The following PEX7 variants were observed in gnomAD, a reference collection of about 807,000 sequenced individuals.
PEX7 encodes the protein PTS2 receptor.
A neutral mutation model predicts 47.5 loss-of-function variants in PEX7; 34 were observed. The ratio of observed to expected loss-of-function variants is 0.72; its 90% confidence interval spans 0.54 to 0.95. PEX7 has a LOEUF of 0.95. PEX7 is among the 40% of genes least tolerant of loss of function. PEX7 has a pLI of 0.00. For missense variants in PEX7, 394 were observed against 400.3 expected (o/e 0.98, Z 0.13); for synonymous variants, 141 against 148.8 (o/e 0.95, Z 0.38).
chr6:136,825,502 C>T (rs967622464), intron 2 of PEX7, among the ~76,000 whole-genome samples: 8 of 151,890 alleles, frequency 5.3e-5, no homozygotes, highest in Admixed American at 3.9e-4. Context: ...AGACCAGCCT[C>T]GTGGGCAACA....
At chr6:136,852,738 A>T (rs1314791619) in intron 5 of PEX7, among the ~76,000 whole-genome samples, 18 of 11,684 alleles carry the variant, frequency 1.5e-3, no homozygotes, top group South Asian at 0.011. Flanking sequence ...ATACTGCCCA[A>T]GGTAATTTAC....
intron 3 of PEX7, among the ~76,000 whole-genome samples, chr6:136,837,257 G>A (rs1774404045): frequency 6.6e-6 from 1 of 150,582 alleles, no homozygotes. Flanking sequence ...AGCTGCTCGG[G>A]AGGCTGAGGC....
chr6:136,823,495 C>G (rs1774125044), intron 1 of PEX7: 1 of 255,290 alleles, frequency 3.9e-6, no homozygotes, highest in Admixed American at 6.5e-5. Context: ...GATGTTGAGG[C>G]TACAATGAGC....
chr6:136,859,520 A>G (rs1421753834), intron 5 of PEX7, among the ~76,000 whole-genome samples: 2 of 152,118 alleles, frequency 1.3e-5, no homozygotes, highest in African/African-American at 2.4e-5. Flanking sequence ...TTCTACTGTA[A>G]GAAAAAGTCA....
chr6:136,908,953 G>A (rs1259008201), intron 9 of PEX7, among the ~76,000 whole-genome samples: 1 of 152,092 alleles, frequency 6.6e-6, no homozygotes, highest in Non-Finnish European at 1.5e-5. Context: ...CTGAAAGCAG[G>A]CACTTCCCTC....
chr6:136,839,613 C>T (rs1774458286), intron 3 of PEX7, among the ~76,000 whole-genome samples: 1 of 152,196 alleles, frequency 6.6e-6, no homozygotes, highest in South Asian at 2.1e-4. Context: ...GCATATCTCT[C>T]TTCCTTTTTA....
At chr6:136,839,206 A>ATT (rs1334579944) in intron 3 of PEX7, among the ~76,000 whole-genome samples, 2 of 152,130 alleles carry the variant, frequency 1.3e-5, no homozygotes, top group African/African-American at 4.8e-5. Context: ...AAAAGAGAAA[A>ATT]TTTAAGTTTC....
At chr6:136,830,299 T>C in intron 3 of PEX7, 1 of 377,036 alleles carries the variant, frequency 2.7e-6, no homozygotes, top group Non-Finnish European at 4.7e-6. Context: ...TTGAAAAATG[T>C]AAAACAAGTT....
At chr6:136,883,603 C>T (rs764281767) in intron 8 of PEX7, among the ~76,000 whole-genome samples, 70 of 152,072 alleles carry the variant, frequency 4.6e-4, no homozygotes, top group Non-Finnish European at 1.3e-4. Flanking sequence ...TGGTCGTCTC[C>T]CTTTGGTTTA....
chr6:136,828,446 T>C (rs2115135508), intron 3 of PEX7, among the ~76,000 whole-genome samples: 1 of 152,368 alleles, frequency 6.6e-6, no homozygotes, highest in South Asian at 2.1e-4. Flanking sequence ...AAACTGCTTC[T>C]TGTAATCCCA....
At chr6:136,824,887 C>T (rs972452630) in intron 1 of PEX7, among the ~76,000 whole-genome samples, 2 of 152,214 alleles carry the variant, frequency 1.3e-5, no homozygotes, top group Non-Finnish European at 2.9e-5. Context: ...TCTCTGGTGC[C>T]TTGTCTGGCT....
intron 3 of PEX7, among the ~76,000 whole-genome samples, chr6:136,839,956 G>T (rs1047965829): frequency 6.6e-6 from 1 of 152,094 alleles, no homozygotes; most frequent in Admixed American, 6.6e-5. Flanking sequence ...GGATTTGTCT[G>T]GGGAAGGGGC....
chr6:136,826,274 A>G (rs1306326605), intron 2 of PEX7, 45 bp from the exon 3 acceptor site: 4 of 1,601,062 alleles, frequency 2.5e-6, no homozygotes, highest in East Asian at 4.5e-5. Context: ...GTAGCTGCCT[A>G]TGTAAGTGTT....
chr6:136,910,178 A>C (rs553800665), intron 9 of PEX7, among the ~76,000 whole-genome samples: 1 of 152,300 alleles, frequency 6.6e-6, no homozygotes, highest in South Asian at 2.1e-4. Context: ...TAACCTCTGA[A>C]ATTGTAATCT....
intron 3 of PEX7, among the ~76,000 whole-genome samples, chr6:136,836,997 C>A (rs1483201657): frequency 1.3e-5 from 2 of 151,186 alleles, no homozygotes; most frequent in East Asian, 2.0e-4. Flanking sequence ...AAACTGCATT[C>A]AAAAAAATTA....
intron 5 of PEX7, among the ~76,000 whole-genome samples, chr6:136,862,182 C>T (rs949235012): frequency 4.0e-5 from 6 of 150,468 alleles, no homozygotes; most frequent in African/African-American, 1.2e-4. Flanking sequence ...TTCTTATGCC[C>T]CAGCGTCTTG....
Position 136,913,832 on chromosome 6 carries a change from T to A in PEX7, c.*306T>A, listed in dbSNP as rs1050803. 6.4e-6 allele frequency: 2 copies of A among 311,794 alleles called. No homozygotes were observed. The highest frequency in any genetic ancestry group is 1.2e-5 in the Non-Finnish European group (2 of 167,562). The allele number at this position is 311,794 out of a possible 1,614,324, so 19.3% of individuals were successfully genotyped here. ...AATATGGGAGATCAGTAGGTTATAC[T>A]TATATAGATAGTGATATATTTCATT... On this transcript the variant is annotated 3_prime_UTR_variant, in exon 10 of 10. Transcript: ENST00000318471.
chr6:136,831,887 ACTGG>A (rs1472575447), intron 3 of PEX7, among the ~76,000 whole-genome samples: 1 of 152,224 alleles, frequency 6.6e-6, no homozygotes, highest in Non-Finnish European at 1.5e-5. Flanking sequence ...GGCTGCTTTC[ACTGG>A]CTGGCATTGA....
intron 3 of PEX7, among the ~76,000 whole-genome samples, chr6:136,835,929 A>G (rs1035775066): frequency 6.6e-6 from 1 of 152,214 alleles, no homozygotes. Context: ...ACTATAATAG[A>G]ATATGTTCAG....
Sources: gnomAD v4.1 joint callset for allele counts (sites outside exome capture counted in the v4.1 genomes callset) on GRCh38, gnomAD v4.1.1 for gene constraint, MANE v1.5 for transcripts, NCBI Gene and HGNC (gene_info 2026-07-23, HGNC 2026-07-21) for gene names.